The following ITPRID1 variants were observed in gnomAD, a reference collection of about 807,000 sequenced individuals.
The protein encoded by ITPRID1 is ITPR interacting domain containing 1.
A neutral mutation model predicts 95.4 loss-of-function variants in ITPRID1; 96 were observed. The observed-to-expected ratio is 1.01, with a 90% CI of 0.85 to 1.19. The LOEUF (loss-of-function observed/expected upper bound fraction) is 1.19. Among genes scored for constraint, ITPRID1 ranks in the 50% most tolerant of loss-of-function variants. ITPRID1 has a pLI of 0.00. For synonymous variants in ITPRID1, 510 were observed against 453.6 expected (o/e 1.12, Z -1.58); for missense variants, 1,339 against 1,252.9 (o/e 1.07, Z -1.04).
intron 1 of ITPRID1, among the ~76,000 whole-genome samples, chr7:31,536,722 A>G (rs1783769780): frequency 1.3e-5 from 2 of 152,096 alleles, no homozygotes; most frequent in Non-Finnish European, 2.9e-5. Context: ...GTTTTAGTTC[A>G]TCACTGGGTT....
chr7:31,574,582 G>A lies in ITPRID1; in HGVS notation c.438G>A (p.Glu146=), dbSNP rs1785108710. 1.1e-5 allele frequency: 17 copies of A among 1,613,896 alleles called. No individual in the cohort carries two copies. The highest frequency in any genetic ancestry group is 3.3e-5 in the South Asian group (3 of 91,074). Residue 146 remains glutamate (E), a synonymous_variant, in exon 8 of 15, where the codon GAG becomes GAA. Coordinates refer to ENST00000615280, the MANE Select transcript of ITPRID1 (RefSeq NM_001257967.3). ...AATTTTGGGAGATAGATCCAGTGGAGATTCTCTTGGATCTGGGGTTTGGTG... is the reference window on the plus strand; with the variant it reads ...AATTTTGGGAGATAGATCCAGTGGAAATTCTCTTGGATCTGGGGTTTGGTG... ...WLEFWEIDPV[E]ILLDLGFGAD...
intron 1 of ITPRID1, among the ~76,000 whole-genome samples, chr7:31,519,578 A>ATCTCGCTCTC (rs1175787772): frequency 2.7e-5 from 1 of 37,474 alleles, no homozygotes; most frequent in Admixed American, 4.3e-4. Flanking sequence ...TATTTCTGGT[A>ATCTCGCTCTC]TCTCTCTCTC....
At chr7:31,519,475 C>G (rs1449158092) in intron 1 of ITPRID1, among the ~76,000 whole-genome samples, 1 of 151,036 alleles carries the variant, frequency 6.6e-6, no homozygotes, top group South Asian at 2.1e-4. Flanking sequence ...ATCATATCAT[C>G]CAGAGATGAC....
chr7:31,568,749 T>C (rs1784884553), intron 5 of ITPRID1, among the ~76,000 whole-genome samples: 2 of 152,212 alleles, frequency 1.3e-5, no homozygotes, highest in Non-Finnish European at 2.9e-5. Flanking sequence ...CTTTCTCACA[T>C]TTACTTGTTT....
chr7:31,531,178 G>C (rs904725952), intron 1 of ITPRID1, among the ~76,000 whole-genome samples: 2 of 152,184 alleles, frequency 1.3e-5, no homozygotes, highest in Non-Finnish European at 2.9e-5. Context: ...AGGCATGTTG[G>C]AAATCCTGCA....
Position 31,549,511 on chromosome 7 carries a change from G to A in ITPRID1, c.-24+12G>A, listed in dbSNP as rs541780775. The A allele has an allele frequency of 1.9e-4, 283 of 1,516,458 alleles. 2 individuals carry two copies. In the South Asian group the frequency reaches 3.1e-3, roughly 17 times the overall value. 93.9% of individuals were successfully genotyped at this position (1,516,458 alleles called of 1,614,324 possible). A position where few individuals can be genotyped will look rare whatever the true frequency, so the allele number is the denominator to read the frequency against. Reference sequence around the variant, plus strand: ...GACCAATATGAGTGGTGATTGTTTTGGATATATTTTTCATTAAATTTTCCC... The same window carrying A: ...GACCAATATGAGTGGTGATTGTTTTAGATATATTTTTCATTAAATTTTCCC... On this transcript the variant is annotated intron_variant, in intron 2 of 14. Coordinates refer to ENST00000615280, the MANE Select transcript of ITPRID1 (RefSeq NM_001257967.3).
intron 5 of ITPRID1, among the ~76,000 whole-genome samples, chr7:31,562,121 C>T (rs796727406): frequency 1.7e-5 from 2 of 120,616 alleles, no homozygotes; most frequent in South Asian, 3.0e-4. Flanking sequence ...CACCAGAAAA[C>T]AAATTAAACA....
chr7:31,527,015 T>C (rs1245801315), intron 1 of ITPRID1, among the ~76,000 whole-genome samples: 2 of 152,180 alleles, frequency 1.3e-5, no homozygotes, highest in Non-Finnish European at 2.9e-5. Flanking sequence ...TCCAGTTACA[T>C]CACTTGACAT....
chr7:31,564,101 A>G (rs1784715066), intron 5 of ITPRID1, among the ~76,000 whole-genome samples: 1 of 152,214 alleles, frequency 6.6e-6, no homozygotes, highest in Non-Finnish European at 1.5e-5. Context: ...AGAAATGCTT[A>G]GGAAAACCAA....
intron 10 of ITPRID1, among the ~76,000 whole-genome samples, chr7:31,621,931 C>CA (rs1787947083): frequency 6.7e-6 from 1 of 149,666 alleles, no homozygotes; most frequent in African/African-American, 2.5e-5. Context: ...CAATGGAAAA[C>CA]AAAAAAAGGC....
intron 10 of ITPRID1, among the ~76,000 whole-genome samples, chr7:31,600,665 C>T (rs998527484): frequency 1.3e-5 from 2 of 152,198 alleles, no homozygotes; most frequent in Non-Finnish European, 2.9e-5. Flanking sequence ...GCAGAGCCTT[C>T]CTTACCCTTG....
At chr7:31,631,923 G>A (rs924761191) in intron 10 of ITPRID1, among the ~76,000 whole-genome samples, 6 of 152,122 alleles carry the variant, frequency 3.9e-5, no homozygotes, top group Admixed American at 2.6e-4. Flanking sequence ...TACAAGCTCC[G>A]TGATGGCAGG....
At chr7:31,609,156 C>T (rs1021226438) in intron 10 of ITPRID1, among the ~76,000 whole-genome samples, 1 of 151,604 alleles carries the variant, frequency 6.6e-6, no homozygotes, top group East Asian at 1.9e-4. Flanking sequence ...AATAGCCTTG[C>T]ATTCCTGAGA....
intron 1 of ITPRID1, among the ~76,000 whole-genome samples, chr7:31,545,715 T>G (rs1414057581): frequency 1.3e-5 from 2 of 152,120 alleles, no homozygotes; most frequent in African/African-American, 4.8e-5. Flanking sequence ...GTGAGCACCC[T>G]TCACATATTT....
Position 31,642,717 on chromosome 7 carries a change from G to T in ITPRID1, c.1347G>T (p.Glu449Asp). 6.2e-7 allele frequency: 1 copy of T among 1,613,960 alleles called. No individual in the cohort carries two copies. The highest frequency in any genetic ancestry group is 1.1e-5 in the South Asian group (1 of 91,072). ...TGCCAAACAGCCAGAGTCCTGCTGA[G>T]AATGGAGGTAGAAAGCCAAGAGATC... ...PSLPNSQSPAENGGRKPRDQS... is the reference protein window; with the variant it reads ...PSLPNSQSPADNGGRKPRDQS... Residue 449 changes from glutamate (E) to aspartate (D), a missense_variant, in exon 12 of 15, where the codon GAG becomes GAT. Glu to Asp is a conservative substitution (Grantham distance 45, BLOSUM62 2). Coordinates refer to ENST00000615280, the MANE Select transcript of ITPRID1 (RefSeq NM_001257967.3).
chr7:31,644,063 C>T, intron 12 of ITPRID1, 110 bp downstream of exon 12: 1 of 973,786 alleles, frequency 1.0e-6, no homozygotes, highest in Non-Finnish European at 1.5e-6. Context: ...GCAAACTTTT[C>T]TATTTTAAAT....
intron 10 of ITPRID1, among the ~76,000 whole-genome samples, chr7:31,597,150 C>T (rs1053947903): frequency 7.9e-5 from 12 of 151,924 alleles, no homozygotes; most frequent in Non-Finnish European, 1.5e-4. Flanking sequence ...GATATCTTAA[C>T]CTAATTAGAG....
At chr7:31,525,557 A>C (rs217171) in intron 1 of ITPRID1, among the ~76,000 whole-genome samples, 65,279 of 151,926 alleles carry the variant, frequency 0.43, 15,400 homozygotes, top group East Asian at 0.61. Flanking sequence ...AAGATGGGGA[A>C]CTCCTACACA....
chr7:31,641,427 A>G (rs2128208375), intron 10 of ITPRID1, among the ~76,000 whole-genome samples: 1 of 152,178 alleles, frequency 6.6e-6, no homozygotes, highest in East Asian at 1.9e-4. Flanking sequence ...GAGACTTCCT[A>G]TTAGAGCCTA....
Sources: allele counts gnomAD v4.1 joint callset (sites outside exome capture counted in the v4.1 genomes callset), GRCh38; gene constraint gnomAD v4.1.1; transcripts MANE v1.5; gene names NCBI Gene and HGNC (gene_info 2026-07-23, HGNC 2026-07-21).